Variants in CDH5 observed in about 807,000 individuals in gnomAD.
CDH5 encodes cadherin 5, also known as cadherin-5.
CDH5 carries 28 observed loss-of-function variants against 62.0 expected under a neutral mutation model. The observed-to-expected ratio is 0.45, with a 90% CI of 0.33 to 0.62. The LOEUF (loss-of-function observed/expected upper bound fraction) is 0.62. Ranked by LOEUF, CDH5 falls within the 20% of genes least tolerant of loss-of-function variation. The pLI is 0.02. For missense variants in CDH5, 940 were observed against 1,065.1 expected (o/e 0.88, Z 1.63); for synonymous variants, 464 against 445.8 (o/e 1.04, Z -0.52).
At chr16:66,375,357 C>T (rs1253333654) in intron 1 of CDH5, among the ~76,000 whole-genome samples, 1 of 151,960 alleles carries the variant, frequency 6.6e-6, no homozygotes, top group African/African-American at 2.4e-5. Context: ...AGTCAAACCC[C>T]TCCACCCCAA....
At position 66,403,289 on chromosome 16, in the gene CDH5, T is replaced by C; in HGVS notation, c.*120T>C. On this transcript the variant is annotated 3_prime_UTR_variant, in exon 12 of 12. Transcript: ENST00000341529. This position sits in a 1 kb window ranked among gnomAD's most constrained non-coding sequence, Gnocchi z 4.3. ...TCCCCAGCCCAGCACCCCTTCCTCGTGGGTCCCAGAGACCTCATCAGCCTT... is the reference window on the plus strand; with the variant it reads ...TCCCCAGCCCAGCACCCCTTCCTCGCGGGTCCCAGAGACCTCATCAGCCTT... 1 of 881,486 alleles carries C rather than the reference T, an allele frequency of 1.1e-6. No homozygotes were observed. The highest frequency in any genetic ancestry group is 2.5e-5 in the Admixed American group (1 of 39,218). 54.6% of individuals were successfully genotyped at this position (881,486 alleles called of 1,614,324 possible).
intron 1 of CDH5, among the ~76,000 whole-genome samples, chr16:66,370,082 C>A (rs933829937): frequency 6.6e-6 from 1 of 152,126 alleles, no homozygotes; most frequent in Non-Finnish European, 1.5e-5. Flanking sequence ...CTCACTGCAA[C>A]CTCCACCTCC....
At chr16:66,392,622 C>T (rs185061863) in intron 7 of CDH5, 43 of 543,410 alleles carry the variant, frequency 7.9e-5, no homozygotes, top group Admixed American at 4.1e-4. Flanking sequence ...GTCCTCTGTC[C>T]GGCCTTGAAG....
rs1353830878 is a variant in CDH5 at position 66,402,791 on chromosome 16, T to C, written c.1977T>C (p.Asp659=). The C allele has an allele frequency of 6.2e-7, 1 of 1,605,500 alleles. No homozygotes were observed. The highest frequency in any genetic ancestry group is 1.7e-5 in the Admixed American group (1 of 58,928). ...GCGAGATGGACACCACCAGCTACGA[T>C]GTGTCGGTGCTCAACTCGGTGCGCC... ...GGGEMDTTSY[D]VSVLNSVRRG... The change falls in exon 12 of 12, where the codon GAT becomes GAC. Residue 659 remains aspartate (D), a synonymous_variant. Coordinates refer to ENST00000341529, the MANE Select transcript of CDH5 (RefSeq NM_001795.5).
At position 66,392,271 on chromosome 16, in the gene CDH5, C is replaced by T. The variant is rs1249338700; in HGVS notation, c.1105C>T (p.Pro369Ser). The change falls in exon 7 of 12, where the codon CCC (proline) becomes TCC (serine). Residue 369 changes from proline (P) to serine (S), a missense_variant. Coordinates refer to ENST00000341529, the MANE Select transcript of CDH5 (RefSeq NM_001795.5). Reference sequence around the variant, plus strand: ...TATCAACATCACAGATGTGGACGAGCCCCCCATTTTCCAGCAGCCTTTCTA... The same window carrying T: ...TATCAACATCACAGATGTGGACGAGTCCCCCATTTTCCAGCAGCCTTTCTA... ...VIINITDVDE[P>S]PIFQQPFYHF... 4 of 1,613,976 alleles carry T rather than the reference C, an allele frequency of 2.5e-6. No homozygotes were observed. The highest frequency in any genetic ancestry group is 2.7e-5 in the African/African-American group (2 of 74,896).
At position 66,386,841 on chromosome 16, in the gene CDH5, G is replaced by GTACC; in HGVS notation, c.245_248dup (p.Leu84ProfsTer24). Reference sequence around the variant, plus strand: ...CAAGCGTGAGTCGCAAGAATGCCAAGTACCTGCTCAAAGGAGAATATGTGG... The same window carrying GTACC: ...CAAGCGTGAGTCGCAAGAATGCCAAGTACCTACCTGCTCAAAGGAGAATATGTGG... On this transcript the variant is annotated frameshift_variant, in exon 3 of 12. Transcript: ENST00000341529. LOFTEE classifies it high-confidence loss of function. 6.2e-7 allele frequency: 1 copy of GTACC among 1,613,388 alleles called. No homozygotes were observed. Among genetic ancestry groups the GTACC allele is most frequent in the East Asian group, 2.2e-5 (1 of 44,840 alleles).
intron 1 of CDH5, among the ~76,000 whole-genome samples, chr16:66,368,117 T>C (rs752282572): frequency 6.6e-6 from 1 of 152,122 alleles, no homozygotes; most frequent in Non-Finnish European, 1.5e-5. Context: ...ACGTTTCTCA[T>C]GTGTGATGGG....
intron 1 of CDH5, among the ~76,000 whole-genome samples, chr16:66,374,949 C>A (rs182454577): frequency 6.6e-5 from 10 of 152,110 alleles, no homozygotes; most frequent in Admixed American, 3.3e-4. Flanking sequence ...CCTCCCCTCT[C>A]CCCCCACCCC....
chr16:66,378,903 C>T (rs570969007), intron 1 of CDH5, among the ~76,000 whole-genome samples: 6 of 152,330 alleles, frequency 3.9e-5, no homozygotes, highest in African/African-American at 1.4e-4. Flanking sequence ...ATGGAAGCTG[C>T]TCACACCCTT....
chr16:66,385,790 G>A (rs532328345), intron 2 of CDH5, among the ~76,000 whole-genome samples: 4 of 152,156 alleles, frequency 2.6e-5, no homozygotes, highest in Non-Finnish European at 5.9e-5. Context: ...CTGAGAATTC[G>A]TTGTTTTTCA....
chr16:66,383,193 G>A (rs1245166921), intron 2 of CDH5, among the ~76,000 whole-genome samples: 1 of 152,110 alleles, frequency 6.6e-6, no homozygotes, highest in South Asian at 2.1e-4. Context: ...TCCAGTGTGG[G>A]ATCCTGGAAT....
intron 1 of CDH5, among the ~76,000 whole-genome samples, chr16:66,368,729 C>T (rs988248385): frequency 9.2e-5 from 14 of 152,192 alleles, no homozygotes; most frequent in African/African-American, 3.1e-4. Context: ...CAAGGTCACA[C>T]AACCAACACA....
chr16:66,401,618 T>A (rs971201946), intron 11 of CDH5, among the ~76,000 whole-genome samples: 1 of 152,070 alleles, frequency 6.6e-6, no homozygotes, highest in African/African-American at 2.4e-5. Context: ...TGGGAGGTGG[T>A]TTATTTCCCT....
intron 2 of CDH5, 101 bp from the exon 3 acceptor site, chr16:66,386,708 C>T (rs927579814): frequency 1.9e-6 from 2 of 1,057,652 alleles, no homozygotes; most frequent in African/African-American, 1.6e-5. Flanking sequence ...ACACCACATA[C>T]ACACATGCAC....
At chr16:66,367,688 A>T (rs549097412) in intron 1 of CDH5, among the ~76,000 whole-genome samples, 2 of 152,288 alleles carry the variant, frequency 1.3e-5, no homozygotes, top group African/African-American at 4.8e-5. Flanking sequence ...AGGTAGATAC[A>T]TTCTTTCTTT....
At chr16:66,386,461 A>G (rs965395515) in intron 2 of CDH5, among the ~76,000 whole-genome samples, 3 of 151,988 alleles carry the variant, frequency 2.0e-5, no homozygotes, top group Non-Finnish European at 4.4e-5. Flanking sequence ...TCCAGTGTCT[A>G]TTATTTCCAT....
chr16:66,379,624 G>A, intron 2 of CDH5, 77 bp downstream of exon 2: 1 of 1,214,826 alleles, frequency 8.2e-7, no homozygotes, highest in Middle Eastern at 1.9e-4. Context: ...TGATGGCGAT[G>A]GTGGCAAAGG....
At chr16:66,375,449 G>A (rs1960767665) in intron 1 of CDH5, among the ~76,000 whole-genome samples, 1 of 152,040 alleles carries the variant, frequency 6.6e-6, no homozygotes, top group African/African-American at 2.4e-5. Context: ...AGGATTGCTT[G>A]AGCCCAGGAG....
In CDH5 at chr16:66,402,911, C is replaced by A; in HGVS notation, c.2097C>A (p.His699Gln). ...CACCGAGGCACGCGCCTGGGGCACA[C>A]GGAGGGCCCGGGGAGATGGCAGCCA... ...QKPPRHAPGA[H>Q]GGPGEMAAMI... Residue 699 changes from histidine to glutamine, a missense_variant, in exon 12 of 12, where the codon CAC becomes CAA. Coordinates refer to ENST00000341529, the MANE Select transcript of CDH5 (RefSeq NM_001795.5). 6.2e-7 allele frequency: 1 copy of A among 1,611,632 alleles called. No homozygotes were observed.
Sources: allele counts gnomAD v4.1 joint callset (sites outside exome capture counted in the v4.1 genomes callset), GRCh38; gene constraint gnomAD v4.1.1; non-coding constraint Gnocchi (gnomAD v3.1); transcripts MANE v1.5; gene names NCBI Gene and HGNC (gene_info 2026-07-23, HGNC 2026-07-21).